Variants in CCDC122 observed in about 807,000 individuals in gnomAD.
The protein encoded by CCDC122 is coiled-coil domain-containing protein 122.
In CCDC122, 38 loss-of-function variants were observed where a neutral mutation model predicts 37.0. That is an observed-to-expected ratio of 1.03 (90% CI 0.79 to 1.35). The LOEUF is 1.35. Among genes scored for constraint, CCDC122 ranks in the 40% most tolerant of loss-of-function variants. The pLI is 0.00. For synonymous variants in CCDC122, 83 were observed against 95.6 expected, an observed-to-expected ratio of 0.87 and a Z score of 0.77; for missense variants, 305 against 310.0, an observed-to-expected ratio of 0.98 and a Z score of 0.12.
chr13:43,837,986 G>A (rs1022782568), intron 6 of CCDC122, among the ~76,000 whole-genome samples: 9 of 152,098 alleles, frequency 5.9e-5, no homozygotes, highest in African/African-American at 2.2e-4. Context: ...AATCACAGGT[G>A]GTCCGCTGAC....
chr13:43,823,885 C>T (rs1013587860), downstream of CCDC122: 3 of 152,272 alleles, frequency 2.0e-5, no homozygotes, highest in African/African-American at 7.2e-5. Flanking sequence ...GGAGTTGAAA[C>T]TAGGTACTGT....
chr13:43,825,551 C>T (rs922141539), intron 3 of CCDC122, among the ~76,000 whole-genome samples: 1 of 152,120 alleles, frequency 6.6e-6, no homozygotes, highest in Non-Finnish European at 1.5e-5. Context: ...GGGTGGATCA[C>T]CTGAGATCAG....
At chr13:43,861,497 C>G (rs1954105226) in intron 4 of CCDC122, among the ~76,000 whole-genome samples, 1 of 152,152 alleles carries the variant, frequency 6.6e-6, no homozygotes, top group South Asian at 2.1e-4. Flanking sequence ...AAATAACTGT[C>G]TAAATGTTTC....
intron 6 of CCDC122, among the ~76,000 whole-genome samples, chr13:43,852,225 C>G (rs968716480): frequency 2.6e-5 from 4 of 151,976 alleles, no homozygotes; most frequent in African/African-American, 9.7e-5. Flanking sequence ...TCCAAGGAAG[C>G]CAAGAATCAT....
intron 6 of CCDC122, among the ~76,000 whole-genome samples, chr13:43,851,810 T>C (rs1188940481): frequency 6.6e-6 from 1 of 152,124 alleles, no homozygotes; most frequent in African/African-American, 2.4e-5. Context: ...TGGGGCCTGA[T>C]ACAAGTCCCC....
chr13:43,850,975 A>T (rs1454693452), intron 6 of CCDC122, among the ~76,000 whole-genome samples: 1 of 152,336 alleles, frequency 6.6e-6, no homozygotes, highest in East Asian at 1.9e-4. Flanking sequence ...TACCTTACAT[A>T]TATAGGAAAA....
At chr13:43,875,769 A>C (rs754700847) in intron 1 of CCDC122, among the ~76,000 whole-genome samples, 1 of 152,184 alleles carries the variant, frequency 6.6e-6, no homozygotes, top group African/African-American at 2.4e-5. Context: ...AGAATGCTCC[A>C]CTTCTAGTTA....
chr13:43,848,448 C>A (rs1030038808), intron 6 of CCDC122, among the ~76,000 whole-genome samples: 1 of 151,694 alleles, frequency 6.6e-6, no homozygotes, highest in Non-Finnish European at 1.5e-5. Context: ...AACTAGAAAC[C>A]ACTGATTGTT....
chr13:43,819,608 G>A (rs746073495), downstream of CCDC122, among the ~76,000 whole-genome samples: 4 of 151,938 alleles, frequency 2.6e-5, no homozygotes, highest in South Asian at 2.1e-4. Flanking sequence ...CCTATACTAC[G>A]CTACTTTTTG....
At chr13:43,826,012 A>G (rs1266267218) in intron 3 of CCDC122, among the ~76,000 whole-genome samples, 1 of 152,224 alleles carries the variant, frequency 6.6e-6, no homozygotes, top group Non-Finnish European at 1.5e-5. Context: ...CATGGGCTAA[A>G]TATTCCCAGC....
At chr13:43,872,729 G>A (rs1480306948) in intron 2 of CCDC122, among the ~76,000 whole-genome samples, 1 of 151,958 alleles carries the variant, frequency 6.6e-6, no homozygotes, top group East Asian at 1.9e-4. Context: ...TCTTTGAATG[G>A]TCCCTCAACA....
intron 5 of CCDC122, 41 bp from the exon 6 acceptor site, chr13:43,858,938 G>T: frequency 7.6e-7 from 1 of 1,321,986 alleles, no homozygotes. Flanking sequence ...GTCAAAAAAG[G>T]ATGATCAATA....
At chr13:43,844,592 T>A (rs766804330) in intron 6 of CCDC122, among the ~76,000 whole-genome samples, 1 of 152,126 alleles carries the variant, frequency 6.6e-6, no homozygotes, top group African/African-American at 2.4e-5. Context: ...AGTTAAGATA[T>A]CTGATATGAC....
chr13:43,823,119 G>GT (rs1210323600), downstream of CCDC122, among the ~76,000 whole-genome samples: 1 of 152,092 alleles, frequency 6.6e-6, no homozygotes, highest in Non-Finnish European at 1.5e-5. Flanking sequence ...ACTGCTGTTT[G>GT]TTATCCAGGG....
At chr13:43,831,545 G>C (rs952210555), downstream of CCDC122, among the ~76,000 whole-genome samples, 1 of 152,160 alleles carries the variant, frequency 6.6e-6, no homozygotes, top group African/African-American at 2.4e-5. Context: ...AGATGGAGTA[G>C]ATAATGTGTC....
chr13:43,867,384 C>G (rs1462140997), intron 4 of CCDC122, among the ~76,000 whole-genome samples: 1 of 152,008 alleles, frequency 6.6e-6, no homozygotes, highest in Non-Finnish European at 1.5e-5. Context: ...CTGTGAATAT[C>G]CTCAGGTTCT....
intron 3 of CCDC122, among the ~76,000 whole-genome samples, chr13:43,828,590 ACACACACACG>A (rs1054372877): frequency 1.3e-4 from 18 of 141,972 alleles, no homozygotes; most frequent in Admixed American, 5.0e-4. Flanking sequence ...ACACACACAC[ACACACACACG>A]TGTCTTTCTT....
chr13:43,839,310 A>G (rs1953268981), intron 6 of CCDC122, among the ~76,000 whole-genome samples: 1 of 152,166 alleles, frequency 6.6e-6, no homozygotes, highest in South Asian at 2.1e-4. Flanking sequence ...ACATTTGCCT[A>G]TTCTGGACAT....
At chr13:43,870,478 A>C (rs757464242) in intron 2 of CCDC122, among the ~76,000 whole-genome samples, 4 of 152,128 alleles carry the variant, frequency 2.6e-5, no homozygotes, top group Non-Finnish European at 5.9e-5. Context: ...ACCTTGAAAA[A>C]TGCATGCCCT....
Sources: allele counts gnomAD v4.1 joint callset (sites outside exome capture counted in the v4.1 genomes callset), GRCh38; gene constraint gnomAD v4.1.1; transcripts MANE v1.5; gene names NCBI Gene and HGNC (gene_info 2026-07-23, HGNC 2026-07-21).